ABCG1: variants seen among roughly 807,000 people sequenced by gnomAD.
ABCG1 encodes ATP binding cassette subfamily G member 1.
ABCG1 carries 29 observed loss-of-function variants against 69.2 expected under a neutral mutation model. The ratio of observed to expected loss-of-function variants is 0.42; its 90% CI spans 0.31 to 0.57. ABCG1 has a LOEUF of 0.57. Ranked by LOEUF, ABCG1 falls within the 20% of genes least tolerant of loss-of-function variation. ABCG1 has a pLI of 0.15. For missense variants in ABCG1, 718 were observed against 898.1 expected, an observed-to-expected ratio of 0.80 and a Z score of 2.56; for synonymous variants, 370 against 374.8, an observed-to-expected ratio of 0.99 and a Z score of 0.15.
chr21:42,280,898 C>A (rs1223041082), intron 5 of ABCG1, among the ~76,000 whole-genome samples: 1 of 152,222 alleles, frequency 6.6e-6, no homozygotes, highest in Non-Finnish European at 1.5e-5. Context: ...ACCTTGCACG[C>A]CCCCCACCCA....
chr21:42,267,953 TTCTGGTCTGGCTGTTCTAGTCTGCGGC>T (rs1445718794), intron 2 of ABCG1, among the ~76,000 whole-genome samples: 1 of 151,996 alleles, frequency 6.6e-6, no homozygotes, highest in African/African-American at 2.4e-5. Flanking sequence ...TCTGTCTAAG[TTCTGGTCTGGCTGTTCTAGTCTGCGGC>T]TCTGGTCTGG....
At position 42,235,832 on chromosome 21, in the gene ABCG1, G is replaced by A. The variant is rs139413792; in HGVS notation, c.286+9918G>A. 2.1e-3 allele frequency among the ~76,000 whole-genome samples: 321 copies of A among 152,296 alleles called. 1 individual carries two copies. Among genetic ancestry groups the A allele is most frequent in the African/African-American group, 7.1e-3 (297 of 41,556 alleles). ...TACGATAAGGCATGTCAGACGGACC[G>A]CCACTTCCCGTCATGGCCTGAACCA... On this transcript the variant is annotated intron_variant, in intron 2 of 14. Coordinates refer to ENST00000398449, the MANE Select transcript of ABCG1 (RefSeq NM_016818.3).
chr21:42,205,282 C>T (rs1021845536), intron 2 of ABCG1, among the ~76,000 whole-genome samples: 4 of 152,010 alleles, frequency 2.6e-5, no homozygotes, highest in Non-Finnish European at 5.9e-5. Context: ...TTCCTTTGCT[C>T]ATCTTGCTAG....
rs551037849 is a variant in ABCG1, at chr21:42,287,825, G to A, written c.974-64G>A. ...CATTCCCACTTGAATAACGACTTTC[G>A]CATTTGGGTGGTTGGGGTGTCCTTC... On this transcript the variant is annotated intron_variant, in intron 8 of 14. Coordinates refer to ENST00000398449, the MANE Select transcript of ABCG1 (RefSeq NM_016818.3). This position sits in a 1 kb window ranked among gnomAD's most constrained non-coding sequence, Gnocchi z 6.2. 52 of 1,474,556 alleles carry A rather than the reference G, an allele frequency of 3.5e-5. No homozygotes were observed. The highest frequency in any genetic ancestry group is 2.0e-4 in the South Asian group (14 of 70,582). The allele number at this position is 1,474,556 out of a possible 1,614,324, so 91.3% of individuals were successfully genotyped here.
intron 1 of ABCG1, among the ~76,000 whole-genome samples, chr21:42,200,827 G>A (rs902353004): frequency 6.6e-6 from 1 of 152,218 alleles, no homozygotes; most frequent in East Asian, 1.9e-4. Context: ...GACTTCAAGT[G>A]ATCCACCTGC....
In ABCG1 at chr21:42,287,769, G is replaced by A. The variant is rs867210365; in HGVS notation, c.974-120G>A. On this transcript the variant is annotated intron_variant, in intron 8 of 14. Coordinates refer to ENST00000398449, the MANE Select transcript of ABCG1 (RefSeq NM_016818.3). The surrounding 1 kb of genome is among the most constrained non-coding windows in gnomAD (Gnocchi z 6.2). ...ATTTTGACGTCATGCCATTAGCACC[G>A]CCACGCAGCATCTATGTAATCGCTT... The A allele has an allele frequency of 8.6e-5, 90 of 1,043,344 alleles. No homozygotes were observed. The highest frequency in any genetic ancestry group is 3.1e-4 in the Middle Eastern group (1 of 3,262). 64.6% of individuals were successfully genotyped at this position (1,043,344 alleles called of 1,614,324 possible).
intron 14 of ABCG1, among the ~76,000 whole-genome samples, chr21:42,295,513 C>T (rs1282912227): frequency 6.6e-6 from 1 of 152,210 alleles, no homozygotes; most frequent in East Asian, 1.9e-4. Flanking sequence ...GGTGTTGGCA[C>T]GCTGGCCCCA....
intron 5 of ABCG1, among the ~76,000 whole-genome samples, chr21:42,281,626 G>A (rs1238560042): frequency 1.3e-5 from 2 of 152,180 alleles, no homozygotes; most frequent in African/African-American, 4.8e-5. Context: ...TGGCACCTCA[G>A]AGACCTTGCT....
rs55934803 is a variant in ABCG1 at position 42,291,695 on chromosome 21, T to G, written c.1653+39T>G. The G allele has an allele frequency of 0.042, 65,577 of 1,549,660 alleles. 1,606 individuals are homozygous for G. Among genetic ancestry groups the G allele is most frequent in the Non-Finnish European group, 0.048 (55,713 of 1,152,786 alleles). Reference sequence around the variant, plus strand: ...AGGCGCTAAGTGAGGGCATGACGGCTGGGCTTCCCTGAGCTACCTTGGCCT... The same window carrying G: ...AGGCGCTAAGTGAGGGCATGACGGCGGGGCTTCCCTGAGCTACCTTGGCCT... On this transcript the variant is annotated intron_variant, in intron 13 of 14. Coordinates refer to ENST00000398449, the MANE Select transcript of ABCG1 (RefSeq NM_016818.3). The surrounding 1 kb of genome is among the most constrained non-coding windows in gnomAD (Gnocchi z 6.4).
chr21:42,269,639 T>C (rs1276340125), intron 2 of ABCG1, among the ~76,000 whole-genome samples: 2 of 152,206 alleles, frequency 1.3e-5, no homozygotes, highest in Admixed American at 6.5e-5. Context: ...GCTTCCTGAC[T>C]GGCTTCCGCA....
chr21:42,218,396 T>C (rs1157946581), upstream of ABCG1, among the ~76,000 whole-genome samples: 1 of 146,498 alleles, frequency 6.8e-6, no homozygotes, highest in Admixed American at 6.6e-5. Flanking sequence ...CACATGGGAG[T>C]GTGCCCTGGT....
At chr21:42,269,536 C>T (rs796182631) in intron 2 of ABCG1, among the ~76,000 whole-genome samples, 4 of 152,236 alleles carry the variant, frequency 2.6e-5, no homozygotes, top group African/African-American at 9.6e-5. Context: ...CAGCCCCAGC[C>T]CTTTCTTCCT....
intron 2 of ABCG1, among the ~76,000 whole-genome samples, chr21:42,229,094 C>T (rs1385918870): frequency 6.6e-6 from 1 of 152,152 alleles, no homozygotes; most frequent in Non-Finnish European, 1.5e-5. Context: ...TTTGTCCCTC[C>T]AATTGCTGGC....
chr21:42,256,434 A>G, intron 2 of ABCG1: 4 of 1,549,312 alleles, frequency 2.6e-6, no homozygotes, highest in South Asian at 2.4e-5. Context: ...TTCCTGTCAG[A>G]GTATCCAGAG....
chr21:42,291,822 G>T lies in ABCG1; in HGVS notation c.1653+166G>T, dbSNP rs2069067519. 6.6e-6 allele frequency among the ~76,000 whole-genome samples: 1 copy of T among 152,186 alleles called. No homozygotes were observed. Among genetic ancestry groups the T allele is most frequent in the Non-Finnish European group, 1.5e-5 (1 of 68,014 alleles). ...CCCGCATTGTCGAGGGTCAGGATCA[G>T]CTGGCTTCCACAGTGCGCACAGCGG... On this transcript the variant is annotated intron_variant, in intron 13 of 14. Coordinates refer to ENST00000398449, the MANE Select transcript of ABCG1 (RefSeq NM_016818.3). This position sits in a 1 kb window ranked among gnomAD's most constrained non-coding sequence, Gnocchi z 6.4.
At chr21:42,270,408 C>A (rs1023976181) in intron 2 of ABCG1, among the ~76,000 whole-genome samples, 35 of 151,862 alleles carry the variant, frequency 2.3e-4, no homozygotes, top group Admixed American at 2.6e-4. Flanking sequence ...AGCTTTTCCC[C>A]TTTTATAAAG....
intron 2 of ABCG1, among the ~76,000 whole-genome samples, chr21:42,247,240 C>T (rs1345584786): frequency 1.3e-5 from 2 of 152,182 alleles, no homozygotes; most frequent in Non-Finnish European, 2.9e-5. Context: ...TATTTTTGCT[C>T]AGTCTTGGGG....
At chr21:42,277,648 A>G (rs2068734588) in intron 5 of ABCG1, among the ~76,000 whole-genome samples, 1 of 152,182 alleles carries the variant, frequency 6.6e-6, no homozygotes, top group Non-Finnish European at 1.5e-5. Context: ...TTTCAGTGTG[A>G]GATGGAATTT....
Position 42,225,753 on chromosome 21 carries a change from A to G in ABCG1, c.125A>G (p.Glu42Gly). Residue 42 changes from glutamate to glycine, a missense_variant, in exon 2 of 15, where the codon GAG becomes GGG. By Grantham distance (98) the Glu-to-Gly change is moderately conservative. Around this residue, in one of 2 missense-constraint regions of ABCG1, gnomAD observed 514 missense variants for 574.3 expected, o/e 0.90. Coordinates refer to ENST00000398449, the MANE Select transcript of ABCG1 (RefSeq NM_016818.3). ...SVDEVVSSNM[E>G]ATETDLLNGH... ...GATGAGGTGGTGTCCAGCAACATGG[A>G]GGCCACTGAGACGGACCTGCTGAAT... The G allele has an allele frequency of 6.2e-7, 1 of 1,613,914 alleles. No homozygotes were observed. The highest frequency in any genetic ancestry group is 8.5e-7 in the Non-Finnish European group (1 of 1,179,986).
Sources: allele counts gnomAD v4.1 joint callset (sites outside exome capture counted in the v4.1 genomes callset), GRCh38; gene constraint gnomAD v4.1.1; regional missense constraint gnomAD v4.1.1; non-coding constraint Gnocchi (gnomAD v3.1); transcripts MANE v1.5; gene names NCBI Gene and HGNC (gene_info 2026-07-23, HGNC 2026-07-21).